The following RGS6 variants were observed in gnomAD, a reference collection of about 807,000 sequenced individuals.
The protein encoded by RGS6 is regulator of G protein signaling 6.
RGS6 carries 30 observed loss-of-function variants against 78.5 expected under a neutral mutation model. That is an observed-to-expected ratio of 0.38 (90% CI 0.29 to 0.52). RGS6 has a LOEUF of 0.52. Ranked by LOEUF, RGS6 falls within the 20% of genes least tolerant of loss-of-function variation. The pLI is 0.85. For synonymous variants in RGS6, 206 were observed against 206.0 expected, an observed-to-expected ratio of 1.00 and a Z score of 0.00; for missense variants, 495 against 609.7, an observed-to-expected ratio of 0.81 and a Z score of 1.98.
chr14:72,170,890 T>G (rs988556928), intron 2 of RGS6, among the ~76,000 whole-genome samples: 1 of 152,200 alleles, frequency 6.6e-6, no homozygotes, highest in African/African-American at 2.4e-5. Context: ...GGATGAGTTA[T>G]TGGGGGTGCA....
At chr14:72,150,656 T>A (rs2096671053) in intron 2 of RGS6, among the ~76,000 whole-genome samples, 1 of 151,656 alleles carries the variant, frequency 6.6e-6, no homozygotes, top group African/African-American at 2.4e-5. Context: ...GGAAGAGAAA[T>A]TGCTGCGAGG....
intron 2 of RGS6, among the ~76,000 whole-genome samples, chr14:72,279,981 G>A (rs924613842): frequency 3.3e-5 from 5 of 152,084 alleles, no homozygotes; most frequent in African/African-American, 7.2e-5. Context: ...TTTATTTCAC[G>A]GACTCAATGA....
chr14:71,989,845 ACT>A, intron 2 of RGS6, among the ~76,000 whole-genome samples: 1 of 152,126 alleles, frequency 6.6e-6, no homozygotes, highest in South Asian at 2.1e-4. Context: ...TACAACTGTG[ACT>A]CTGCTGAATG....
chr14:72,121,562 GA>G (rs2096054030), intron 2 of RGS6, among the ~76,000 whole-genome samples: 1 of 152,164 alleles, frequency 6.6e-6, no homozygotes, highest in South Asian at 2.1e-4. Flanking sequence ...GTATATATAT[GA>G]AAAGCATCGC....
At chr14:72,249,949 A>G (rs1418484386) in intron 2 of RGS6, among the ~76,000 whole-genome samples, 1 of 151,950 alleles carries the variant, frequency 6.6e-6, no homozygotes, top group Non-Finnish European at 1.5e-5. Context: ...AGGGACATGG[A>G]TGAAATTGGA....
the RGS6 span, among the ~76,000 whole-genome samples, chr14:72,579,740 T>C: frequency 1.4e-4 from 21 of 152,232 alleles, no homozygotes; most frequent in Admixed American, 1.2e-3. Flanking sequence ...ATTCATAATC[T>C]CACCAGGTAA....
In RGS6 at chr14:72,495,170, A is replaced by G; in HGVS notation, c.873A>G (p.Glu291=). ...KVAESLIAYT[E]QYVEYDPLIT... is the part of the protein sequence containing the mutation. ...CCTGCAGTTTAATTGCCTACACGGA[A>G]CAATATGTGGAATATGACCCTTTGA... The change falls in exon 13 of 18, where the codon GAA becomes GAG. Residue 291 remains glutamate (E), a synonymous_variant. Transcript: ENST00000553525. 2.5e-6 allele frequency: 4 copies of G among 1,612,326 alleles called. No individual in the cohort carries two copies. The highest frequency in any genetic ancestry group is 1.1e-5 in the South Asian group (1 of 91,050).
chr14:72,149,039 G>A (rs1005133730), intron 2 of RGS6, among the ~76,000 whole-genome samples: 1 of 152,212 alleles, frequency 6.6e-6, no homozygotes, highest in African/African-American at 2.4e-5. Flanking sequence ...GGGGGAGCCT[G>A]AGGCTGGGGT....
At chr14:72,223,928 G>A (rs187678267) in intron 2 of RGS6, among the ~76,000 whole-genome samples, 95 of 152,366 alleles carry the variant, frequency 6.2e-4, no homozygotes, top group South Asian at 1.0e-3. Context: ...ACGCCTAGGC[G>A]TGCTGAAATT....
chr14:72,250,466 T>G (rs1450984191), intron 2 of RGS6, among the ~76,000 whole-genome samples: 3 of 142,380 alleles, frequency 2.1e-5, no homozygotes, highest in African/African-American at 7.7e-5. Flanking sequence ...AAAAAAGAAG[T>G]CCATTTAGTC....
rs1412212547 is a variant in RGS6 at position 72,565,401 on chromosome 14, G to C, written c.*2934G>C. ...GTAGGCTGGCACATATAAACGTCCA[G>C]CCGCAGCCAGATGGCCTGAACTAAG... On this transcript the variant is annotated 3_prime_UTR_variant, in exon 18 of 18. Transcript: ENST00000553525. The C allele has an allele frequency of 6.6e-6, 1 of 152,292 alleles. No homozygotes were observed. The highest frequency in any genetic ancestry group is 1.5e-5 in the Non-Finnish European group (1 of 68,062). The allele number at this position is 152,292 out of a possible 1,614,324, so 9.4% of individuals were successfully genotyped here. A position where few individuals can be genotyped will look rare whatever the true frequency, so the allele number is the denominator to read the frequency against.
intron 2 of RGS6, among the ~76,000 whole-genome samples, chr14:72,245,734 G>C (rs896229508): frequency 1.3e-5 from 2 of 152,212 alleles, no homozygotes; most frequent in African/African-American, 4.8e-5. Flanking sequence ...CAGAGTTTGG[G>C]GGGGCTTGCT....
intron 2 of RGS6, among the ~76,000 whole-genome samples, chr14:72,113,272 C>A (rs962145875): frequency 3.3e-5 from 5 of 152,160 alleles, no homozygotes; most frequent in South Asian, 2.1e-4. Context: ...GGTAGGTGAC[C>A]AAGTATTATC....
At chr14:72,252,882 C>T (rs1258584901) in intron 2 of RGS6, among the ~76,000 whole-genome samples, 1 of 152,198 alleles carries the variant, frequency 6.6e-6, no homozygotes, top group Non-Finnish European at 1.5e-5. Context: ...CTAGGTTTCT[C>T]AAAGGGCTGA....
At chr14:72,540,987 C>T in intron 17 of RGS6, 1 of 1,273,948 alleles carries the variant, frequency 7.8e-7, no homozygotes, top group Non-Finnish European at 1.0e-6. Flanking sequence ...AGGCCAATCT[C>T]CTCTTTCCAT....
At chr14:72,327,920 G>GATAT (rs10656485) in intron 2 of RGS6, among the ~76,000 whole-genome samples, 8 of 151,718 alleles carry the variant, frequency 5.3e-5, no homozygotes, top group South Asian at 2.1e-4. Context: ...TAGATATATA[G>GATAT]ATATATATAT....
the RGS6 span, among the ~76,000 whole-genome samples, chr14:71,870,423 G>A: frequency 1.3e-5 from 2 of 152,080 alleles, no homozygotes; most frequent in Admixed American, 6.6e-5. Context: ...TGTGTTTTGG[G>A]GTATAGGAGG....
intron 3 of RGS6, among the ~76,000 whole-genome samples, chr14:72,444,147 G>C (rs566984279): frequency 6.2e-4 from 95 of 152,286 alleles, no homozygotes; most frequent in African/African-American, 2.3e-3. Flanking sequence ...TTGGGATTCG[G>C]ATGTGGGAGG....
At chr14:72,506,336 A>T (rs1394493309) in intron 13 of RGS6, among the ~76,000 whole-genome samples, 2 of 152,232 alleles carry the variant, frequency 1.3e-5, no homozygotes, top group Non-Finnish European at 2.9e-5. Context: ...TACACAATGG[A>T]TGTAAAGAGA....
Sources: gnomAD v4.1 joint callset for allele counts (sites outside exome capture counted in the v4.1 genomes callset) on GRCh38, gnomAD v4.1.1 for gene constraint, MANE v1.5 for transcripts, NCBI Gene and HGNC (gene_info 2026-07-23, HGNC 2026-07-21) for gene names.